CALN1: variants seen among roughly 807,000 people sequenced by gnomAD.
CALN1 encodes calneuron 1, also known as calcium-binding protein 8.
Under a neutral mutation model 30.6 loss-of-function variants are expected in CALN1, and 17 were observed. The observed-to-expected ratio is 0.56, with a 90% CI of 0.38 to 0.83. CALN1 has a LOEUF of 0.83. CALN1 is among the 40% of genes least tolerant of loss of function. The pLI, the probability that CALN1 is intolerant of heterozygous loss-of-function variation, is 0.00. For synonymous variants in CALN1, 156 were observed against 131.4 expected (o/e 1.19, Z -1.28); for missense variants, 291 against 354.9 (o/e 0.82, Z 1.45).
intron 5 of CALN1, among the ~76,000 whole-genome samples, chr7:71,951,818 G>A (rs1232847570): frequency 6.6e-6 from 1 of 152,140 alleles, no homozygotes; most frequent in Non-Finnish European, 1.5e-5. Context: ...CTCACCCTGA[G>A]CCAGGATTTG....
chr7:72,468,207 T>C, the CALN1 span, among the ~76,000 whole-genome samples: 1 of 151,314 alleles, frequency 6.6e-6, no homozygotes, highest in Admixed American at 6.6e-5. Flanking sequence ...GCTACAAATG[T>C]TTCTGTACAT....
At chr7:72,047,556 C>T (rs999615608) in intron 4 of CALN1, among the ~76,000 whole-genome samples, 6 of 151,982 alleles carry the variant, frequency 3.9e-5, no homozygotes, top group Admixed American at 2.0e-4. Context: ...ACCACTGCAC[C>T]GCAGTCAGAG....
chr7:72,111,210 T>C (rs1807552480), intron 3 of CALN1, among the ~76,000 whole-genome samples: 1 of 152,198 alleles, frequency 6.6e-6, no homozygotes, highest in Non-Finnish European at 1.5e-5. Context: ...AAATGCTCTC[T>C]GCAATGGTGA....
intron 3 of CALN1, among the ~76,000 whole-genome samples, chr7:72,123,077 T>A (rs887720308): frequency 1.9e-4 from 29 of 151,890 alleles, no homozygotes; most frequent in Non-Finnish European, 4.4e-5. Flanking sequence ...GGACTGGGGG[T>A]CACAGCTATT....
intron 5 of CALN1, among the ~76,000 whole-genome samples, chr7:71,814,156 C>T (rs761777027): frequency 3.2e-4 from 49 of 152,140 alleles, no homozygotes; most frequent in South Asian, 4.2e-4. Context: ...ATTCCTCACC[C>T]CAAGGTTTTT....
At chr7:72,324,455 T>C (rs994982554) in intron 2 of CALN1, among the ~76,000 whole-genome samples, 3 of 152,018 alleles carry the variant, frequency 2.0e-5, no homozygotes, top group Non-Finnish European at 4.4e-5. Flanking sequence ...TTACCTTCCC[T>C]CCTAATATTA....
At chr7:72,121,968 T>G (rs1484244491) in intron 3 of CALN1, among the ~76,000 whole-genome samples, 3 of 150,968 alleles carry the variant, frequency 2.0e-5, no homozygotes, top group Non-Finnish European at 4.4e-5. Flanking sequence ...GATCGACCTT[T>G]TCCCATGTTC....
At chr7:72,034,815 A>G (rs920149491) in intron 4 of CALN1, among the ~76,000 whole-genome samples, 1 of 151,012 alleles carries the variant, frequency 6.6e-6, no homozygotes, top group African/African-American at 2.4e-5. Flanking sequence ...AAAAAAAAAA[A>G]AAAAGTCTCC....
chr7:72,087,152 C>A (rs779953013), intron 4 of CALN1, among the ~76,000 whole-genome samples: 1 of 152,112 alleles, frequency 6.6e-6, no homozygotes, highest in East Asian at 1.9e-4. Context: ...AACAAAAGAG[C>A]GTCTGAAATA....
chr7:72,118,760 A>AGGGCTGACCCCTCTGGGAAGATGTC, intron 3 of CALN1, among the ~76,000 whole-genome samples: 1 of 152,324 alleles, frequency 6.6e-6, no homozygotes, highest in African/African-American at 2.4e-5. Flanking sequence ...CAAAATTCTC[A>AGGGCTGACCCCTCTGGGAAGATGTC]GGGCTGACCC....
At chr7:72,428,681 T>C (rs1197835716) in intron 1 of CALN1, among the ~76,000 whole-genome samples, 2 of 152,188 alleles carry the variant, frequency 1.3e-5, no homozygotes, top group East Asian at 1.9e-4. Flanking sequence ...AAGAGAGTTT[T>C]CAGGATGACA....
At chr7:72,090,101 T>C (rs1275552772) in intron 4 of CALN1, among the ~76,000 whole-genome samples, 3 of 152,106 alleles carry the variant, frequency 2.0e-5, no homozygotes, top group Non-Finnish European at 4.4e-5. Flanking sequence ...AGTTCGAGAC[T>C]AGCCCGGCCA....
At chr7:71,954,674 A>G (rs1192210094) in intron 5 of CALN1, among the ~76,000 whole-genome samples, 1 of 152,046 alleles carries the variant, frequency 6.6e-6, no homozygotes, top group Non-Finnish European at 1.5e-5. Context: ...GAAGATACGG[A>G]TTGAGAATTG....
At chr7:72,277,707 G>GCC (rs1379792867) in intron 3 of CALN1, among the ~76,000 whole-genome samples, 1 of 152,094 alleles carries the variant, frequency 6.6e-6, no homozygotes, top group Non-Finnish European at 1.5e-5. Flanking sequence ...AGCAAGTTTG[G>GCC]CTTCACTGTC....
intron 4 of CALN1, among the ~76,000 whole-genome samples, chr7:72,078,928 C>T (rs1426587384): frequency 6.6e-6 from 1 of 151,966 alleles, no homozygotes; most frequent in Admixed American, 6.6e-5. Flanking sequence ...GATTCCGTCT[C>T]AAAAAACAAA....
intron 2 of CALN1, among the ~76,000 whole-genome samples, chr7:72,357,906 G>C (rs935680319): frequency 1.3e-5 from 2 of 150,046 alleles, no homozygotes; most frequent in African/African-American, 4.9e-5. Context: ...CCAGGCTCAA[G>C]GGATTCTCTT....
At chr7:71,828,710 A>C (rs1322380484) in intron 5 of CALN1, among the ~76,000 whole-genome samples, 1 of 139,228 alleles carries the variant, frequency 7.2e-6, no homozygotes, top group Non-Finnish European at 1.5e-5. Context: ...ATACATATAT[A>C]TATGTATATG....
At chr7:71,800,288 A>G (rs532954514) in intron 6 of CALN1, among the ~76,000 whole-genome samples, 1 of 152,296 alleles carries the variant, frequency 6.6e-6, no homozygotes, top group South Asian at 2.1e-4. Context: ...GTTAACCAAC[A>G]TTCCCAGGGT....
chr7:71,964,098 T>C (rs1797406965), intron 5 of CALN1, among the ~76,000 whole-genome samples: 1 of 152,236 alleles, frequency 6.6e-6, no homozygotes, highest in South Asian at 2.1e-4. Context: ...ACATCTGAAC[T>C]GTTGCTAAGT....
Sources: allele counts gnomAD v4.1 joint callset (sites outside exome capture counted in the v4.1 genomes callset), GRCh38; gene constraint gnomAD v4.1.1; transcripts MANE v1.5; gene names NCBI Gene and HGNC (gene_info 2026-07-23, HGNC 2026-07-21).